CNTN4: variants seen among roughly 807,000 people sequenced by gnomAD.
The protein encoded by CNTN4 is contactin-4.
CNTN4 carries 77 observed loss-of-function variants against 122.5 expected under a neutral mutation model. The ratio of observed to expected loss-of-function variants is 0.63; its 90% CI spans 0.52 to 0.76. CNTN4 has a LOEUF of 0.76. Ranked by LOEUF, CNTN4 falls within the 30% of genes least tolerant of loss-of-function variation. The pLI is 0.00. For missense variants in CNTN4, 1,256 were observed against 1,259.1 expected (o/e 1.00, Z 0.04); for synonymous variants, 512 against 447.0 (o/e 1.15, Z -1.83).
intron 3 of CNTN4, among the ~76,000 whole-genome samples, chr3:2,354,108 C>G (rs1281378890): frequency 1.3e-5 from 2 of 152,186 alleles, no homozygotes; most frequent in Admixed American, 6.5e-5. Flanking sequence ...CACGTAAGTT[C>G]AGAGTGGTTA....
intron 4 of CNTN4, among the ~76,000 whole-genome samples, chr3:2,592,887 T>C (rs1005814172): frequency 2.0e-5 from 3 of 152,238 alleles, no homozygotes; most frequent in African/African-American, 7.2e-5. Context: ...ATAGTTTTGG[T>C]ATACAACAAA....
intron 2 of CNTN4, among the ~76,000 whole-genome samples, chr3:2,211,316 A>G (rs2038606082): frequency 2.0e-5 from 3 of 152,124 alleles, no homozygotes. Flanking sequence ...ACCAGGCCCC[A>G]TCTCCAGCAC....
chr3:2,680,194 T>G (rs888240550), intron 4 of CNTN4, among the ~76,000 whole-genome samples: 2 of 152,140 alleles, frequency 1.3e-5, no homozygotes, highest in Non-Finnish European at 2.9e-5. Context: ...TGTGGTGTAA[T>G]AGATACATGA....
intron 4 of CNTN4, among the ~76,000 whole-genome samples, chr3:2,611,952 G>C (rs1277430543): frequency 6.6e-6 from 1 of 152,092 alleles, no homozygotes; most frequent in Non-Finnish European, 1.5e-5. Flanking sequence ...TTTTATTCAG[G>C]ATATGTAGGA....
At chr3:2,670,571 T>C in intron 4 of CNTN4, among the ~76,000 whole-genome samples, 1 of 152,222 alleles carries the variant, frequency 6.6e-6, no homozygotes, top group East Asian at 1.9e-4. Context: ...TGTCTTTTAA[T>C]TGGAGCATTT....
chr3:2,670,208 T>G (rs1255653166), intron 4 of CNTN4, among the ~76,000 whole-genome samples: 4 of 152,162 alleles, frequency 2.6e-5, no homozygotes, highest in Non-Finnish European at 5.9e-5. Context: ...AATCTCCCAT[T>G]ATTATTGTGT....
Position 2,761,665 on chromosome 3 carries a change from T to G in CNTN4, c.358+15968T>G, listed in dbSNP as rs148054204. 8.5e-3 allele frequency among the ~76,000 whole-genome samples: 1,294 copies of G among 152,264 alleles called. 15 individuals carry two copies. The highest frequency in any genetic ancestry group is 0.028 in the African/African-American group (1,179 of 41,524). ...ACTGAATTGGATCCATGTTTTTATA[T>G]TTTACTTGGTATTAAACATTGGTAC... is the stretch of plus-strand genomic sequence containing the variant. On this transcript the variant is annotated intron_variant, in intron 6 of 24. Coordinates refer to ENST00000418658, the MANE Select transcript of CNTN4 (RefSeq NM_175607.3).
intron 7 of CNTN4, among the ~76,000 whole-genome samples, chr3:2,821,649 C>T (rs911114221): frequency 7.9e-5 from 12 of 152,052 alleles, no homozygotes; most frequent in Non-Finnish European, 1.3e-4. Flanking sequence ...CTTGCAGTGT[C>T]GGCTAAAAGG....
At chr3:2,371,547 G>A (rs1026748784) in intron 3 of CNTN4, among the ~76,000 whole-genome samples, 2 of 152,096 alleles carry the variant, frequency 1.3e-5, no homozygotes, top group African/African-American at 2.4e-5. Context: ...TAACTCAAAT[G>A]TTTATAATAG....
At chr3:2,917,731 C>G (rs2094384674) in intron 12 of CNTN4, among the ~76,000 whole-genome samples, 2 of 152,202 alleles carry the variant, frequency 1.3e-5, no homozygotes, top group African/African-American at 4.8e-5. Context: ...CTTACCCATT[C>G]TTAAGCCATC....
chr3:2,442,692 A>G (rs1055604887), intron 3 of CNTN4, among the ~76,000 whole-genome samples: 12 of 152,080 alleles, frequency 7.9e-5, no homozygotes, highest in African/African-American at 2.7e-4. Context: ...GTTTTATTCT[A>G]TTATGTGGAC....
At chr3:2,813,888 C>T (rs1221995809) in intron 6 of CNTN4, among the ~76,000 whole-genome samples, 1 of 152,124 alleles carries the variant, frequency 6.6e-6, no homozygotes, top group African/African-American at 2.4e-5. Context: ...TATATTAAGA[C>T]TTTTTATTAT....
At chr3:2,762,226 T>C (rs1163677532) in intron 6 of CNTN4, among the ~76,000 whole-genome samples, 1 of 152,200 alleles carries the variant, frequency 6.6e-6, no homozygotes, top group African/African-American at 2.4e-5. Flanking sequence ...TTTTCAACTT[T>C]TTAATTTCAG....
chr3:2,546,960 T>C (rs2078270034), intron 3 of CNTN4, among the ~76,000 whole-genome samples: 1 of 152,152 alleles, frequency 6.6e-6, no homozygotes, highest in Admixed American at 6.6e-5. Flanking sequence ...TAGTTAACTT[T>C]TATTGAGTAC....
intron 7 of CNTN4, among the ~76,000 whole-genome samples, chr3:2,824,023 C>A (rs1035919415): frequency 6.6e-6 from 1 of 152,158 alleles, no homozygotes; most frequent in Non-Finnish European, 1.5e-5. Context: ...GTGGTTCCCA[C>A]GCACACCCCA....
chr3:2,481,731 G>C (rs1181048948), intron 3 of CNTN4, among the ~76,000 whole-genome samples: 1 of 152,066 alleles, frequency 6.6e-6, no homozygotes, highest in African/African-American at 2.4e-5. Flanking sequence ...ATTAAATCAT[G>C]GGGGTGGTTC....
At chr3:2,300,560 C>CTTTTTTT (rs575192976) in intron 2 of CNTN4, among the ~76,000 whole-genome samples, 12 of 62,016 alleles carry the variant, frequency 1.9e-4, no homozygotes, top group Non-Finnish European at 3.3e-4. Context: ...CAGTGACCGT[C>CTTTTTTT]TTTTTTTTTT....
intron 3 of CNTN4, among the ~76,000 whole-genome samples, chr3:2,416,451 A>G (rs1159617938): frequency 6.6e-6 from 1 of 152,178 alleles, no homozygotes; most frequent in Non-Finnish European, 1.5e-5. Flanking sequence ...ATTGGGAGGT[A>G]ATCTAACCAT....
chr3:2,185,710 T>C (rs1439096187), intron 2 of CNTN4, among the ~76,000 whole-genome samples: 1 of 152,178 alleles, frequency 6.6e-6, no homozygotes, highest in East Asian at 1.9e-4. Flanking sequence ...TCCAGAGATC[T>C]TGGACTGCCA....
Sources: allele counts gnomAD v4.1 joint callset (sites outside exome capture counted in the v4.1 genomes callset), GRCh38; gene constraint gnomAD v4.1.1; transcripts MANE v1.5; gene names NCBI Gene and HGNC (gene_info 2026-07-23, HGNC 2026-07-21).